The following NT5DC1 variants were observed in gnomAD, a reference collection of about 807,000 sequenced individuals.
NT5DC1 encodes 5'-nucleotidase domain-containing protein 1.
Under a neutral mutation model 59.4 loss-of-function variants are expected in NT5DC1, and 42 were observed. That is an observed-to-expected ratio of 0.71 (90% confidence interval 0.55 to 0.92). The LOEUF is 0.92. Among genes scored for constraint, NT5DC1 ranks in the 40% least tolerant of loss-of-function variants. The pLI is 0.00. For missense variants in NT5DC1, 501 were observed against 537.1 expected (o/e 0.93, Z 0.66); for synonymous variants, 172 against 188.1 (o/e 0.91, Z 0.70).
chr6:116,139,771 G>A (rs1170728151), intron 6 of NT5DC1, among the ~76,000 whole-genome samples: 2 of 152,078 alleles, frequency 1.3e-5, no homozygotes, highest in Admixed American at 1.3e-4. Context: ...TGCTTAAAAG[G>A]CATTATAAAT....
chr6:116,183,078 G>A (rs1161039487), intron 6 of NT5DC1, among the ~76,000 whole-genome samples: 1 of 151,856 alleles, frequency 6.6e-6, no homozygotes, highest in Admixed American at 6.6e-5. Flanking sequence ...GATCCATTTC[G>A]TTCTTCTACA....
At chr6:116,230,225 C>G (rs1408249645) in intron 8 of NT5DC1, among the ~76,000 whole-genome samples, 1 of 152,112 alleles carries the variant, frequency 6.6e-6, no homozygotes, top group Non-Finnish European at 1.5e-5. Context: ...TTTAAAATTT[C>G]CCACATCTTT....
At chr6:116,188,889 G>A (rs374877838) in intron 6 of NT5DC1, among the ~76,000 whole-genome samples, 2 of 151,704 alleles carry the variant, frequency 1.3e-5, no homozygotes, top group African/African-American at 4.8e-5. Flanking sequence ...TTTTAATTTG[G>A]ATCTGTTTAT....
chr6:116,105,704 T>C (rs1778753717), intron 1 of NT5DC1, among the ~76,000 whole-genome samples: 1 of 152,172 alleles, frequency 6.6e-6, no homozygotes, highest in Non-Finnish European at 1.5e-5. Context: ...CCAGAGGCTT[T>C]CTTTGTCCTT....
At chr6:116,208,227 G>A (rs2114521827) in intron 6 of NT5DC1, among the ~76,000 whole-genome samples, 1 of 152,086 alleles carries the variant, frequency 6.6e-6, no homozygotes, top group South Asian at 2.1e-4. Context: ...CCACATTTCT[G>A]AGTCTGCTTT....
intron 8 of NT5DC1, among the ~76,000 whole-genome samples, chr6:116,228,126 T>C (rs1315795536): frequency 6.6e-6 from 1 of 152,246 alleles, no homozygotes; most frequent in Non-Finnish European, 1.5e-5. Flanking sequence ...CCAAAAGTCC[T>C]ACCAGTCTCT....
At chr6:116,228,436 A>G (rs1441033849) in intron 8 of NT5DC1, among the ~76,000 whole-genome samples, 7 of 152,100 alleles carry the variant, frequency 4.6e-5, no homozygotes, top group Non-Finnish European at 1.0e-4. Flanking sequence ...TGAACCTGGG[A>G]GGCAGAGGTT....
At chr6:116,241,944 C>CAAAAAAAAAAAAAAAA (rs1173659223) in intron 11 of NT5DC1, among the ~76,000 whole-genome samples, 1 of 34,428 alleles carries the variant, frequency 2.9e-5, no homozygotes, top group Non-Finnish European at 4.4e-5. Context: ...AAAAACAAAA[C>CAAAAAAAAAAAAAAAA]AAAAAAAAAA....
chr6:116,229,904 C>G (rs9374593), intron 8 of NT5DC1, among the ~76,000 whole-genome samples: 40,405 of 152,136 alleles, frequency 0.27, 6,990 homozygotes, highest in East Asian at 0.62. Context: ...GCAGTTCCTC[C>G]TCCACACTAG....
chr6:116,202,144 C>T (rs1202844310), intron 6 of NT5DC1, among the ~76,000 whole-genome samples: 1 of 151,936 alleles, frequency 6.6e-6, no homozygotes, highest in African/African-American at 2.4e-5. Context: ...CACGTGTGGC[C>T]CATACCTGCT....
chr6:116,228,280 G>A (rs558397993), intron 8 of NT5DC1, among the ~76,000 whole-genome samples: 87 of 143,444 alleles, frequency 6.1e-4, no homozygotes, highest in African/African-American at 2.4e-3. Flanking sequence ...AGGCTGAGGC[G>A]GACGAATCAC....
In NT5DC1 at chr6:116,248,140, T is replaced by C. The variant is rs2114572571; in HGVS notation, c.*4116T>C. ...TTTTTGTTAACATTTGTATGCCAAA[T>C]TTATTACGATAGCTGTGATAGAGTA... On this transcript the variant is annotated 3_prime_UTR_variant, in exon 12 of 12. Transcript: ENST00000319550. 1 of 152,352 alleles carries C rather than the reference T, an allele frequency of 6.6e-6. No homozygotes were observed. The highest frequency in any genetic ancestry group is 2.1e-4 in the South Asian group (1 of 4,826). The allele number at this position is 152,352 out of a possible 1,614,324, so 9.4% of individuals were successfully genotyped here.
intron 6 of NT5DC1, among the ~76,000 whole-genome samples, chr6:116,193,837 G>A (rs1237689808): frequency 2.6e-5 from 4 of 152,082 alleles, no homozygotes; most frequent in Admixed American, 2.0e-4. Context: ...TTGGGAGGCC[G>A]AAACAGGCAG....
In NT5DC1 at chr6:116,166,026, G is replaced by A. The variant is rs1191703906; in HGVS notation, c.529+48081G>A. ...CCCAGGAAGATCCTAAATCCGCACT[G>A]ACAGCATTGCCTGGGGTCATGAAGG... On this transcript the variant is annotated intron_variant, in intron 6 of 11. Transcript: ENST00000319550. Among the ~76,000 whole-genome samples the A allele has an allele frequency of 2.0e-5, 3 of 152,176 alleles. No individual in the cohort carries two copies. In the East Asian group the frequency reaches 5.8e-4, roughly 29 times the overall value.
intron 6 of NT5DC1, among the ~76,000 whole-genome samples, chr6:116,172,683 C>T (rs1780638696): frequency 6.6e-6 from 1 of 152,052 alleles, no homozygotes; most frequent in South Asian, 2.1e-4. Context: ...TAGCAGATAA[C>T]ATATATTATT....
At chr6:116,231,824 T>G (rs527814749) in intron 8 of NT5DC1, among the ~76,000 whole-genome samples, 37 of 152,354 alleles carry the variant, frequency 2.4e-4, no homozygotes, top group Non-Finnish European at 4.7e-4. Context: ...TAGATTACAC[T>G]GTGCTAGCTA....
intron 11 of NT5DC1, among the ~76,000 whole-genome samples, chr6:116,240,252 A>G (rs1771673355): frequency 6.6e-6 from 1 of 152,222 alleles, no homozygotes; most frequent in African/African-American, 2.4e-5. Flanking sequence ...TGGGTTTCAC[A>G]TTTTCGGATT....
chr6:116,235,895 A>C (rs556898512), intron 8 of NT5DC1, among the ~76,000 whole-genome samples: 1 of 113,322 alleles, frequency 8.8e-6, no homozygotes, highest in Admixed American at 8.0e-5. Flanking sequence ...GTTGATTTAC[A>C]ATAAAGCCAA....
intron 4 of NT5DC1, among the ~76,000 whole-genome samples, 173 bp from the exon 5 acceptor site, chr6:116,115,518 C>T (rs1383475085): frequency 6.6e-6 from 1 of 152,170 alleles, no homozygotes; most frequent in Non-Finnish European, 1.5e-5. Flanking sequence ...GCCCTCAGAG[C>T]TTAAATCTTT....
Sources: allele counts gnomAD v4.1 joint callset (sites outside exome capture counted in the v4.1 genomes callset), GRCh38; gene constraint gnomAD v4.1.1; transcripts MANE v1.5; gene names NCBI Gene and HGNC (gene_info 2026-07-23, HGNC 2026-07-21).